CUBN: variants seen among roughly 807,000 people sequenced by gnomAD.
CUBN encodes the protein cubilin, also known as 460 kDa receptor.
Under a neutral mutation model 405.3 loss-of-function variants are expected in CUBN, and 282 were observed. The observed-to-expected ratio is 0.70, with a 90% CI of 0.63 to 0.77. The LOEUF (loss-of-function observed/expected upper bound fraction) is 0.77, where lower values mean the gene tolerates loss of function less well. Among genes scored for constraint, CUBN ranks in the 30% least tolerant of loss-of-function variants. The pLI, the probability that CUBN is intolerant of heterozygous loss-of-function variation, is 0.00. For missense variants in CUBN, 4,514 were observed against 4,475.2 expected, an observed-to-expected ratio of 1.01 and a Z score of -0.25; for synonymous variants, 1,684 against 1,617.0, an observed-to-expected ratio of 1.04 and a Z score of -0.99.
intron 28 of CUBN, among the ~76,000 whole-genome samples, chr10:17,001,547 G>A (rs574492338): frequency 1.3e-5 from 2 of 152,298 alleles, no homozygotes; most frequent in African/African-American, 4.8e-5. Flanking sequence ...AGTTCTCCGA[G>A]TCCCCACTGG....
chr10:16,844,749 C>T (rs961250786), intron 60 of CUBN, among the ~76,000 whole-genome samples: 1 of 152,226 alleles, frequency 6.6e-6, no homozygotes, highest in Admixed American at 6.5e-5. Context: ...TCTATCTGCT[C>T]TCTTGTTCTC....
chr10:16,880,380 A>T (rs1840634546), intron 56 of CUBN, among the ~76,000 whole-genome samples: 1 of 152,234 alleles, frequency 6.6e-6, no homozygotes, highest in African/African-American at 2.4e-5. Context: ...GTAAGAGTCA[A>T]TGGTAGGAGC....
chr10:16,969,053 T>G (rs925568218), intron 31 of CUBN, among the ~76,000 whole-genome samples: 8 of 152,258 alleles, frequency 5.3e-5, no homozygotes, highest in Admixed American at 2.0e-4. Context: ...TTTCTCATTA[T>G]AGCAGCATGC....
chr10:16,835,081 G>A lies in CUBN; in HGVS notation c.10295C>T (p.Thr3432Ile), dbSNP rs7898873. The change falls in exon 64 of 67, where the codon ACC (threonine) becomes ATC (isoleucine). Residue 3432 changes from threonine to isoleucine, a missense_variant. Transcript: ENST00000377833. Reference sequence around the variant, plus strand: ...AAGTGAATGAAAAAAGAGGGAAATGGTGTGGTTCTGGGGGGCTGTGAGAGT... The same window carrying A: ...AAGTGAATGAAAAAAGAGGGAAATGATGTGGTTCTGGGGGGCTGTGAGAGT... ...TVTLTAPQNHTISLFFHSLGI... is the reference protein window; with the variant it reads ...TVTLTAPQNHIISLFFHSLGI... 9.9e-6 allele frequency: 16 copies of A among 1,613,932 alleles called. No homozygotes were observed. The highest frequency in any genetic ancestry group is 1.4e-5 in the Non-Finnish European group (16 of 1,180,044).
chr10:17,097,950 C>T (rs1486864906), intron 14 of CUBN, among the ~76,000 whole-genome samples: 1 of 152,082 alleles, frequency 6.6e-6, no homozygotes, highest in Non-Finnish European at 1.5e-5. Context: ...TTTGGGTCAG[C>T]TTGTGACTAA....
intron 22 of CUBN, among the ~76,000 whole-genome samples, chr10:17,064,508 A>G (rs539534463): frequency 7.2e-5 from 11 of 152,304 alleles, no homozygotes; most frequent in African/African-American, 2.6e-4. Flanking sequence ...GAATTGTACC[A>G]TGCTGCTGGG....
chr10:16,982,564 C>G lies in CUBN; in HGVS notation c.4615G>C (p.Val1539Leu). Residue 1539 changes from valine (V) to leucine (L), a missense_variant, in exon 31 of 67, where the codon GTC becomes CTC. Transcript: ENST00000377833. Reference protein sequence around the residue: ...PYRSNTDCSWVIRVDRNHRVL... With the variant: ...PYRSNTDCSWLIRVDRNHRVL... ...CGATGATTTCTGTCAACCCGAATGA[C>G]CCAAGAACAGTCTGTGTTGCTCCTA... The G allele has an allele frequency of 6.2e-7, 1 of 1,613,748 alleles. No homozygotes were observed. The highest frequency in any genetic ancestry group is 8.5e-7 in the Non-Finnish European group (1 of 1,179,748).
chr10:17,090,683 T>A (rs141753472), intron 14 of CUBN, among the ~76,000 whole-genome samples: 1 of 151,948 alleles, frequency 6.6e-6, no homozygotes, highest in Admixed American at 6.6e-5. Flanking sequence ...TCTTAAATGG[T>A]TTCCAGTTAT....
At chr10:16,902,990 A>T (rs11815304) in intron 51 of CUBN, among the ~76,000 whole-genome samples, 1,670 of 152,358 alleles carry the variant, frequency 0.011, 36 homozygotes, top group African/African-American at 0.038. Context: ...AGCAGTCAAG[A>T]GTAGGGCTGG....
intron 29 of CUBN, among the ~76,000 whole-genome samples, chr10:16,985,005 C>T (rs898704338): frequency 2.4e-4 from 36 of 152,342 alleles, no homozygotes; most frequent in African/African-American, 7.5e-4. Context: ...CAGGGATTGC[C>T]CTAGACTCTG....
intron 27 of CUBN, among the ~76,000 whole-genome samples, chr10:17,029,257 C>T (rs369199064): frequency 2.6e-5 from 4 of 152,160 alleles, no homozygotes; most frequent in Non-Finnish European, 5.9e-5. Flanking sequence ...TGCAATCATA[C>T]GAAAATCCTT....
chr10:17,017,996 C>T (rs1321995882), intron 28 of CUBN, among the ~76,000 whole-genome samples: 4 of 152,056 alleles, frequency 2.6e-5, no homozygotes, highest in African/African-American at 4.8e-5. Flanking sequence ...GTTGGGACCC[C>T]AGAGCTGAAT....
In CUBN at chr10:16,940,386, C is replaced by A. The variant is rs112770394; in HGVS notation, c.5343-149G>T. ...ATTATTTGGCTGTCTCAAAAAATTT[C>A]TTTCACTCGGACTTGTTGAAATGTG... On this transcript the variant is annotated intron_variant, in intron 36 of 66. Coordinates refer to ENST00000377833, the MANE Select transcript of CUBN (RefSeq NM_001081.4). 1.1e-5 allele frequency: 8 copies of A among 752,754 alleles called. 1 individual carries two copies. The highest frequency in any genetic ancestry group is 1.7e-5 in the African/African-American group (1 of 57,352). The allele number at this position is 752,754 out of a possible 1,614,324, so 46.6% of individuals were successfully genotyped here.
intron 59 of CUBN, among the ~76,000 whole-genome samples, chr10:16,864,655 TTC>T (rs1250668791): frequency 2.1e-4 from 26 of 126,052 alleles, no homozygotes; most frequent in East Asian, 1.9e-3. Context: ...CTTTTTTTCT[TTC>T]TTTTTTTTTT....
chr10:17,011,033 T>C (rs1477808017), intron 28 of CUBN, among the ~76,000 whole-genome samples: 1 of 152,212 alleles, frequency 6.6e-6, no homozygotes, highest in Non-Finnish European at 1.5e-5. Flanking sequence ...ACAGCTTAGA[T>C]GTCTATGCTT....
chr10:17,003,974 C>T lies in CUBN; in HGVS notation c.4169-13459G>A, dbSNP rs556824927. 2.0e-5 allele frequency among the ~76,000 whole-genome samples: 3 copies of T among 152,342 alleles called. No homozygotes were observed. In the South Asian group the frequency reaches 6.2e-4, roughly 32 times the overall value. ...CTACGTTAAGTTCACACTAGTCTAG[C>T]TGGCTTTGAGAATTCTAAAGAATCT... On this transcript the variant is annotated intron_variant, in intron 28 of 66. Transcript: ENST00000377833.
At chr10:16,957,964 G>T (rs1436684821) in intron 31 of CUBN, among the ~76,000 whole-genome samples, 1 of 151,374 alleles carries the variant, frequency 6.6e-6, no homozygotes, top group African/African-American at 2.4e-5. Flanking sequence ...GACTCTTCTG[G>T]TTTTAAAAAA....
At chr10:17,052,776 AAAAAAAAAAAAGAG>A (rs1470146506) in intron 22 of CUBN, among the ~76,000 whole-genome samples, 14 of 141,518 alleles carry the variant, frequency 9.9e-5, no homozygotes, top group African/African-American at 4.2e-4. Flanking sequence ...AAAAAAAAAA[AAAAAAAAAAAAGAG>A]AGAGAGAGAG....
At chr10:17,054,999 T>C (rs1246279517) in intron 22 of CUBN, among the ~76,000 whole-genome samples, 1 of 152,072 alleles carries the variant, frequency 6.6e-6, no homozygotes, top group Non-Finnish European at 1.5e-5. Context: ...AGATTACAGT[T>C]CAGTATGTCT....
Sources: allele counts gnomAD v4.1 joint callset (sites outside exome capture counted in the v4.1 genomes callset), GRCh38; gene constraint gnomAD v4.1.1; transcripts MANE v1.5; gene names NCBI Gene and HGNC (gene_info 2026-07-23, HGNC 2026-07-21).